Variants in TOP1 observed in about 807,000 individuals in gnomAD.
TOP1 encodes DNA topoisomerase I.
A neutral mutation model predicts 111.1 loss-of-function variants in TOP1; 10 were observed. That is an observed-to-expected ratio of 0.09 (90% CI 0.06 to 0.15). TOP1 has a LOEUF of 0.15. TOP1 is among the 10% of genes least tolerant of loss of function. TOP1 has a pLI of 1.00. For synonymous variants in TOP1, 271 were observed against 302.9 expected (o/e 0.89, Z 1.10); for missense variants, 474 against 926.7 (o/e 0.51, Z 6.34).
rs2033783911 is a variant in TOP1 at position 41,081,154 on chromosome 20, C to G, written c.432-11C>G. 6.3e-7 allele frequency: 1 copy of G among 1,587,648 alleles called. No individual in the cohort carries two copies. The highest frequency in any genetic ancestry group is 8.6e-7 in the Non-Finnish European group (1 of 1,166,702). On this transcript the variant is annotated splice_polypyrimidine_tract_variant and intron_variant, in intron 6 of 20. Coordinates refer to ENST00000361337, the MANE Select transcript of TOP1 (RefSeq NM_003286.4). ...ATTATGTTAACTGTGTATTCATGTT[C>G]CCCTTTCTAGTGCTGATTATAAACC... is the stretch of plus-strand genomic sequence containing the variant.
rs1307105970 is a variant in TOP1 at position 41,080,381 on chromosome 20, G to A, written c.431+201G>A. Among the ~76,000 whole-genome samples the A allele has an allele frequency of 6.6e-6, 1 of 152,134 alleles. No individual in the cohort carries two copies. Among genetic ancestry groups the A allele is most frequent in the Non-Finnish European group, 1.5e-5 (1 of 67,996 alleles). On this transcript the variant is annotated intron_variant, in intron 6 of 20. Coordinates refer to ENST00000361337, the MANE Select transcript of TOP1 (RefSeq NM_003286.4). The surrounding 1 kb of genome is among the most constrained non-coding windows in gnomAD (Gnocchi z 5.0). ...CAAGTAGTATACCCAAGGCTTACAT[G>A]AAGATTATATAAATTTTTATTACTG... is the stretch of plus-strand genomic sequence containing the variant.
In TOP1 at chr20:41,092,620, A is replaced by G. The variant is rs1436102150; in HGVS notation, c.730+33A>G. 3 of 1,091,790 alleles carry G rather than the reference A, an allele frequency of 2.7e-6. No individual in the cohort carries two copies. Among genetic ancestry groups the G allele is most frequent in the East Asian group, 2.4e-5 (1 of 41,724 alleles). 67.6% of individuals were successfully genotyped at this position (1,091,790 alleles called of 1,614,324 possible). ...GTTTCAAGGTTCTTGATTCTTGGCCAGGAAAAGAAATCTGCTTCTATTTAG... is the reference window on the plus strand; with the variant it reads ...GTTTCAAGGTTCTTGATTCTTGGCCGGGAAAAGAAATCTGCTTCTATTTAG... On this transcript the variant is annotated intron_variant, in intron 9 of 20. Transcript: ENST00000361337. The surrounding 1 kb of genome is among the most constrained non-coding windows in gnomAD (Gnocchi z 4.3).
chr20:41,063,034 TC>T (rs1207976999), intron 3 of TOP1, among the ~76,000 whole-genome samples: 2 of 152,240 alleles, frequency 1.3e-5, no homozygotes, highest in African/African-American at 2.4e-5. Context: ...GTACAAATGA[TC>T]CTGTCACCCA....
Position 41,028,924 on chromosome 20 carries a change from T to G in TOP1, c.-144T>G. The G allele has an allele frequency of 1.5e-6, 1 of 653,098 alleles. No homozygotes were observed. Among genetic ancestry groups the G allele is most frequent in the Non-Finnish European group, 2.6e-6 (1 of 385,600 alleles). The allele number at this position is 653,098 out of a possible 1,614,324, so 40.5% of individuals were successfully genotyped here. Reference sequence around the variant, plus strand: ...CCGTGGTAGCAGCCTCAGCCGTTTCTGGAGTCTCGGGCCCACAGTCACCGC... The same window carrying G: ...CCGTGGTAGCAGCCTCAGCCGTTTCGGGAGTCTCGGGCCCACAGTCACCGC... On this transcript the variant is annotated 5_prime_UTR_variant, in exon 1 of 21. Transcript: ENST00000361337.
chr20:41,111,374 A>T (rs2034237046), intron 13 of TOP1, among the ~76,000 whole-genome samples: 1 of 152,190 alleles, frequency 6.6e-6, no homozygotes, highest in Non-Finnish European at 1.5e-5. Flanking sequence ...CAACTACTAA[A>T]TCACCCACCC....
At chr20:41,054,337 C>T (rs6129742) in intron 2 of TOP1, among the ~76,000 whole-genome samples, 17,621 of 151,808 alleles carry the variant, frequency 0.12, 1,358 homozygotes, top group South Asian at 0.23. Context: ...TCACACTTCT[C>T]CTTGCTGCCA....
chr20:41,068,282 T>G (rs2033630573), intron 3 of TOP1, among the ~76,000 whole-genome samples: 1 of 152,254 alleles, frequency 6.6e-6, no homozygotes, highest in Non-Finnish European at 1.5e-5. Flanking sequence ...ATCTCTGTCT[T>G]TCTCTTGTCT....
chr20:41,092,490 T>C lies in TOP1; in HGVS notation c.633T>C (p.Tyr211=). ...QKWKWWEEER[Y]PEGIKWKFLE... is the part of the protein sequence containing the mutation. The stretch of plus-strand genomic sequence containing the variant: ...TTTAAAGGTGGGAAGAAGAGCGCTA[T>C]CCTGAAGGCATCAAGTGGAAATTCC... The change falls in exon 9 of 21, where the codon TAT becomes TAC. Residue 211 remains tyrosine (Y), a synonymous_variant. Coordinates refer to ENST00000361337, the MANE Select transcript of TOP1 (RefSeq NM_003286.4). This position sits in a 1 kb window ranked among gnomAD's most constrained non-coding sequence, Gnocchi z 4.3. The C allele has an allele frequency of 2.5e-6, 4 of 1,598,750 alleles. No homozygotes were observed. The highest frequency in any genetic ancestry group is 3.4e-6 in the Non-Finnish European group (4 of 1,172,210).
rs2034314971 is a variant in TOP1 at position 41,115,513 on chromosome 20, TG to T, written c.1707+76del. On this transcript the variant is annotated intron_variant, in intron 16 of 20. Transcript: ENST00000361337. This position sits in a 1 kb window ranked among gnomAD's most constrained non-coding sequence, Gnocchi z 6.3. The stretch of plus-strand genomic sequence containing the variant: ...CACAGTACCTAAAGGGGAGGGTTGC[TG>T]GCAGATGACTTGGGCTCTCCCTTTA... 5 of 1,178,050 alleles carry T rather than the reference TG, an allele frequency of 4.2e-6. No individual in the cohort carries two copies. The East Asian group carries it at 1.2e-4, about 28-fold the overall frequency. The allele number at this position is 1,178,050 out of a possible 1,614,324, so 73.0% of individuals were successfully genotyped here.
In TOP1 at chr20:41,101,499, T is replaced by G; in HGVS notation, c.1308+146T>G. The G allele has an allele frequency of 1.2e-6, 1 of 859,826 alleles. No individual in the cohort carries two copies. Among genetic ancestry groups the G allele is most frequent in the Non-Finnish European group, 1.7e-6 (1 of 574,252 alleles). The allele number at this position is 859,826 out of a possible 1,614,324, so 53.3% of individuals were successfully genotyped here. On this transcript the variant is annotated intron_variant, in intron 13 of 20. Coordinates refer to ENST00000361337, the MANE Select transcript of TOP1 (RefSeq NM_003286.4). This position sits in a 1 kb window ranked among gnomAD's most constrained non-coding sequence, Gnocchi z 4.1. Reference sequence around the variant, plus strand: ...AGGCAAGTACTTTCATAGTTAGCATTATGGTGATCTTCCTACAGTGCCTCC... The same window carrying G: ...AGGCAAGTACTTTCATAGTTAGCATGATGGTGATCTTCCTACAGTGCCTCC...
chr20:41,101,103 G>T lies in TOP1; in HGVS notation c.1164-106G>T. ...GGACTACTGTATTGACTGTTAAGAA[G>T]GAAACTTGGAAAATTATGCTCAGCA... is the stretch of plus-strand genomic sequence containing the variant. On this transcript the variant is annotated intron_variant, in intron 12 of 20. Transcript: ENST00000361337. The surrounding 1 kb of genome is among the most constrained non-coding windows in gnomAD (Gnocchi z 4.1). 7.9e-7 allele frequency: 1 copy of T among 1,272,314 alleles called. No individual in the cohort carries two copies. The allele number at this position is 1,272,314 out of a possible 1,614,324, so 78.8% of individuals were successfully genotyped here.
Position 41,069,442 on chromosome 20 carries a change from T to C in TOP1, c.156-6729T>C, listed in dbSNP as rs1353675315. 6.6e-6 allele frequency among the ~76,000 whole-genome samples: 1 copy of C among 152,164 alleles called. No homozygotes were observed. The highest frequency in any genetic ancestry group is 1.5e-5 in the Non-Finnish European group (1 of 68,036). The stretch of plus-strand genomic sequence containing the variant: ...CAGTATGATATATTGAATAGCACAC[T>C]AAGATAAAAGTTAAGAGGCTGGGTT... On this transcript the variant is annotated intron_variant, in intron 3 of 20. Transcript: ENST00000361337. This position sits in a 1 kb window ranked among gnomAD's most constrained non-coding sequence, Gnocchi z 4.1.
chr20:41,028,992 C>T lies in TOP1; in HGVS notation c.-76C>T, dbSNP rs1016179131. On this transcript the variant is annotated 5_prime_UTR_variant, in exon 1 of 21. Coordinates refer to ENST00000361337, the MANE Select transcript of TOP1 (RefSeq NM_003286.4). ...TCGAGCCTCCGGAGTCCCCGTCCGC[C>T]CGCACAGGCCGGTTCGCCGTCTGCG... is the stretch of plus-strand genomic sequence containing the variant. The T allele has an allele frequency of 4.2e-5, 57 of 1,346,084 alleles. No homozygotes were observed. Among genetic ancestry groups the T allele is most frequent in the Non-Finnish European group, 5.4e-5 (53 of 979,074 alleles). 83.4% of individuals were successfully genotyped at this position (1,346,084 alleles called of 1,614,324 possible). A position where few individuals can be genotyped will look rare whatever the true frequency, so the allele number is the denominator to read the frequency against.
At chr20:41,089,769 G>A (rs549235436) in intron 8 of TOP1, among the ~76,000 whole-genome samples, 1 of 152,016 alleles carries the variant, frequency 6.6e-6, no homozygotes, top group South Asian at 2.1e-4. Context: ...GACCACACGA[G>A]GGTGCTAGCT....
In TOP1 at chr20:41,076,276, A is replaced by G; in HGVS notation, c.261A>G (p.Glu87=). 6.2e-7 allele frequency: 1 copy of G among 1,610,148 alleles called. No individual in the cohort carries two copies. The stretch of plus-strand genomic sequence containing the variant: ...ACAAACATAAAGACAGAGACAAGGA[A>G]AAACGAAAAGAGGAAAAGGTACAGA... ...HKDKHKDRDK[E]KRKEEKVRAS... is the part of the protein sequence containing the mutation. Residue 87 remains glutamate, a synonymous_variant, in exon 4 of 21, where the codon GAA becomes GAG. Transcript: ENST00000361337.
At chr20:41,055,594 A>G (rs2033460451) in intron 2 of TOP1, among the ~76,000 whole-genome samples, 1 of 152,036 alleles carries the variant, frequency 6.6e-6, no homozygotes, top group Non-Finnish European at 1.5e-5. Flanking sequence ...CACCATCTTT[A>G]TTCTGTACAA....
intron 3 of TOP1, among the ~76,000 whole-genome samples, chr20:41,074,780 C>A (rs1423921652): frequency 6.6e-6 from 1 of 152,204 alleles, no homozygotes. Context: ...CTAATGAGCT[C>A]ATTGCTGATG....
Position 41,122,001 on chromosome 20 carries a change from T to C in TOP1, c.2046-5T>C. 1.9e-6 allele frequency: 3 copies of C among 1,613,814 alleles called. No individual in the cohort carries two copies. The highest frequency in any genetic ancestry group is 2.5e-6 in the Non-Finnish European group (3 of 1,179,978). On this transcript the variant is annotated splice_polypyrimidine_tract_variant and splice_region_variant and intron_variant, in intron 19 of 20. Coordinates refer to ENST00000361337, the MANE Select transcript of TOP1 (RefSeq NM_003286.4). The surrounding 1 kb of genome is among the most constrained non-coding windows in gnomAD (Gnocchi z 5.4). Reference sequence around the variant, plus strand: ...TGGTTCTTGAGGACTTTGCTATTCTTCTAGGGTAGTAGAGTCAAAGAAGAA... The same window carrying C: ...TGGTTCTTGAGGACTTTGCTATTCTCCTAGGGTAGTAGAGTCAAAGAAGAA...
chr20:41,088,262 G>T (rs1372230944), intron 8 of TOP1, among the ~76,000 whole-genome samples: 1 of 152,200 alleles, frequency 6.6e-6, no homozygotes, highest in African/African-American at 2.4e-5. Context: ...ACTTTGGAAG[G>T]CCGAAGCGGG....
Sources: gnomAD v4.1 joint callset for allele counts (sites outside exome capture counted in the v4.1 genomes callset) on GRCh38, gnomAD v4.1.1 for gene constraint, Gnocchi (gnomAD v3.1) non-coding constraint, MANE v1.5 for transcripts, NCBI Gene and HGNC (gene_info 2026-07-23, HGNC 2026-07-21) for gene names.